Variants in ZFAT observed in about 807,000 individuals in gnomAD.
ZFAT encodes the protein zinc finger protein ZFAT.
Under a neutral mutation model 117.7 loss-of-function variants are expected in ZFAT, and 64 were observed. The ratio of observed to expected loss-of-function variants is 0.54; its 90% CI spans 0.44 to 0.67. The LOEUF (loss-of-function observed/expected upper bound fraction) is 0.67, where lower values mean the gene tolerates loss of function less well. Among genes scored for constraint, ZFAT ranks in the 30% least tolerant of loss-of-function variants. The probability of loss-of-function intolerance (pLI) is 0.00; values close to 1 mark genes in which losing one functional copy is unlikely to be tolerated. For missense variants in ZFAT, 1,433 were observed against 1,584.5 expected, an observed-to-expected ratio of 0.90 and a Z score of 1.62; for synonymous variants, 679 against 615.0, an observed-to-expected ratio of 1.10 and a Z score of -1.54.
At chr8:134,806,306 T>C in the ZFAT span, among the ~76,000 whole-genome samples, 15 of 152,348 alleles carry the variant, frequency 9.8e-5, no homozygotes, top group East Asian at 2.9e-3. Flanking sequence ...TTGTTTAATG[T>C]TGTAAATAAC....
At chr8:134,658,819 C>T (rs142922562) in intron 1 of ZFAT, among the ~76,000 whole-genome samples, 219 of 152,346 alleles carry the variant, frequency 1.4e-3, no homozygotes, top group African/African-American at 4.9e-3. Flanking sequence ...AAATTCCCAA[C>T]TCGTCCCTAA....
Position 134,625,718 on chromosome 8 carries a change from C to A in ZFAT, c.448+11743G>T, listed in dbSNP as rs543785044. 7.2e-5 allele frequency among the ~76,000 whole-genome samples: 11 copies of A among 152,352 alleles called. 1 individual carries two copies. In the Middle Eastern group the frequency reaches 0.01, roughly 141 times the overall value. On this transcript the variant is annotated intron_variant, in intron 3 of 15. Transcript: ENST00000377838. Reference sequence around the variant, plus strand: ...TGCCTGCTGCAGGAGTCTCACTCAGCCCTTGACTTTAGCCAATCTCCCTGT... The same window carrying A: ...TGCCTGCTGCAGGAGTCTCACTCAGACCTTGACTTTAGCCAATCTCCCTGT...
chr8:134,728,343 G>A, the ZFAT span, among the ~76,000 whole-genome samples: 10 of 151,888 alleles, frequency 6.6e-5, no homozygotes, highest in Admixed American at 2.6e-4. Context: ...ATATTTCTAC[G>A]CAAGCAGATA....
chr8:134,703,187 C>G (rs1228576711), intron 1 of ZFAT, among the ~76,000 whole-genome samples: 1 of 152,184 alleles, frequency 6.6e-6, no homozygotes, highest in Non-Finnish European at 1.5e-5. Context: ...TTAATTTTTA[C>G]CATTCTAGTG....
At chr8:134,499,111 G>A (rs1470207873) in intron 15 of ZFAT, among the ~76,000 whole-genome samples, 3 of 108,416 alleles carry the variant, frequency 2.8e-5, no homozygotes, top group African/African-American at 1.0e-4. Flanking sequence ...GGATGCCCCC[G>A]TTGCTGGTTA....
At chr8:134,798,946 T>C in the ZFAT span, among the ~76,000 whole-genome samples, 1 of 152,118 alleles carries the variant, frequency 6.6e-6, no homozygotes, top group Admixed American at 6.5e-5. Context: ...ACCTTTACAT[T>C]ATATGCTTTG....
upstream of ZFAT, chr8:134,713,175 C>T (rs1471246997): frequency 3.6e-6 from 1 of 280,236 alleles, no homozygotes; most frequent in East Asian, 6.0e-5. Context: ...CTTTTTATCC[C>T]ACTTCACGGA....
intron 1 of ZFAT, among the ~76,000 whole-genome samples, chr8:134,711,408 T>C (rs1409436258): frequency 6.6e-6 from 1 of 152,226 alleles, no homozygotes. Context: ...TCAACCTGTA[T>C]TTGGAGAGCA....
At chr8:134,669,599 G>A (rs1488026473) in intron 1 of ZFAT, among the ~76,000 whole-genome samples, 4 of 152,140 alleles carry the variant, frequency 2.6e-5, no homozygotes, top group Admixed American at 2.6e-4. Context: ...CCTCCTGAAG[G>A]AAGCACTAAA....
chr8:134,735,525 TC>T, the ZFAT span, among the ~76,000 whole-genome samples: 1 of 152,236 alleles, frequency 6.6e-6, no homozygotes, highest in Non-Finnish European at 1.5e-5. Flanking sequence ...ATTTGGTATT[TC>T]CATTAAAACA....
intron 11 of ZFAT, among the ~76,000 whole-genome samples, chr8:134,539,793 T>C (rs763805055): frequency 3.3e-5 from 5 of 152,216 alleles, no homozygotes; most frequent in Non-Finnish European, 7.3e-5. Context: ...CTCAAGGACA[T>C]GATTGCATTC....
intron 11 of ZFAT, among the ~76,000 whole-genome samples, chr8:134,543,851 CTG>C (rs1822473417): frequency 1.3e-5 from 2 of 152,194 alleles, no homozygotes; most frequent in Admixed American, 6.5e-5. Context: ...TGGGATGACA[CTG>C]TATAAATACC....
At chr8:134,625,149 G>A (rs898756414) in intron 3 of ZFAT, among the ~76,000 whole-genome samples, 9 of 152,154 alleles carry the variant, frequency 5.9e-5, no homozygotes, top group South Asian at 2.1e-4. Context: ...AGGCTTTCTC[G>A]CATCCTCCTA....
At chr8:134,778,958 C>T in the ZFAT span, among the ~76,000 whole-genome samples, 1 of 152,242 alleles carries the variant, frequency 6.6e-6, no homozygotes, top group East Asian at 1.9e-4. Context: ...GCCTCAGGTG[C>T]TAAAAGGGGT....
At chr8:134,554,533 G>GGCAGAA (rs1250970218) in intron 11 of ZFAT, among the ~76,000 whole-genome samples, 8 of 152,134 alleles carry the variant, frequency 5.3e-5, no homozygotes, top group Non-Finnish European at 1.2e-4. Context: ...GAGGGTTGGG[G>GGCAGAA]GCTGAAGCTG....
intron 15 of ZFAT, among the ~76,000 whole-genome samples, chr8:134,493,798 C>T (rs533392028): frequency 3.3e-5 from 5 of 152,204 alleles, no homozygotes; most frequent in African/African-American, 7.2e-5. Flanking sequence ...GTGTGCTTCA[C>T]ATATCCCCTC....
At position 134,532,839 on chromosome 8, in the gene ZFAT, T is replaced by C; in HGVS notation, c.3110A>G (p.Gln1037Arg). 1.9e-6 allele frequency: 3 copies of C among 1,610,448 alleles called. No individual in the cohort carries two copies. Among genetic ancestry groups the C allele is most frequent in the Non-Finnish European group, 2.5e-6 (3 of 1,178,604 alleles). ...TGELAAEVLIQQGGLKCPVCS... is the reference protein window; with the variant it reads ...TGELAAEVLIRQGGLKCPVCS... ...CTCGCTGGCCCCTCGCCTACCTTGC[T>C]GGATGAGCACCTCCGCTGCCAGCTC... Residue 1037 changes from glutamine (Q) to arginine (R), a missense_variant, in exon 12 of 16, where the codon CAG becomes CGG. By Grantham distance (43) the Gln-to-Arg change is conservative. Transcript: ENST00000377838.
At chr8:134,713,732 T>A (rs1353571778), upstream of ZFAT, among the ~76,000 whole-genome samples, 3 of 152,144 alleles carry the variant, frequency 2.0e-5, no homozygotes, top group Non-Finnish European at 4.4e-5. Flanking sequence ...GGTTTTGATG[T>A]TAAGGTGTTT....
chr8:134,554,341 C>G (rs1393136430), intron 11 of ZFAT, among the ~76,000 whole-genome samples: 3 of 152,224 alleles, frequency 2.0e-5, no homozygotes, highest in African/African-American at 4.8e-5. Flanking sequence ...CTTGACGGAT[C>G]TATCAGATTG....
Sources: gnomAD v4.1 joint callset for allele counts (sites outside exome capture counted in the v4.1 genomes callset) on GRCh38, gnomAD v4.1.1 for gene constraint, MANE v1.5 for transcripts, NCBI Gene and HGNC (gene_info 2026-07-23, HGNC 2026-07-21) for gene names.